Variants in MRPL1 observed in about 807,000 individuals in gnomAD.
The protein encoded by MRPL1 is large ribosomal subunit protein uL1m.
MRPL1 carries 28 observed loss-of-function variants against 38.0 expected under a neutral mutation model. The observed-to-expected ratio is 0.74, with a 90% confidence interval of 0.55 to 1.01. The LOEUF (loss-of-function observed/expected upper bound fraction) is 1.01. MRPL1 is among the 50% of genes least tolerant of loss of function. The pLI, the probability that MRPL1 is intolerant of heterozygous loss-of-function variation, is 0.00. For missense variants in MRPL1, 358 were observed against 389.8 expected (o/e 0.92, Z 0.69); for synonymous variants, 123 against 126.7 (o/e 0.97, Z 0.20).
chr4:77,912,870 T>G (rs1736320665), intron 7 of MRPL1, among the ~76,000 whole-genome samples: 1 of 151,716 alleles, frequency 6.6e-6, no homozygotes, highest in Non-Finnish European at 1.5e-5. Context: ...GAATAGAGAG[T>G]CCAGAAAGAA....
intron 5 of MRPL1, among the ~76,000 whole-genome samples, chr4:77,892,873 G>A (rs946466194): frequency 6.6e-6 from 1 of 152,110 alleles, no homozygotes; most frequent in African/African-American, 2.4e-5. Flanking sequence ...ACTGGTACCT[G>A]TCTCAAGGTT....
intron 7 of MRPL1, among the ~76,000 whole-genome samples, chr4:77,938,612 A>G (rs1737045116): frequency 6.6e-6 from 1 of 152,184 alleles, no homozygotes. Flanking sequence ...CAGGATTTAA[A>G]TACTGGACAG....
At chr4:77,947,770 T>C (rs1737304732) in intron 7 of MRPL1, among the ~76,000 whole-genome samples, 1 of 152,228 alleles carries the variant, frequency 6.6e-6, no homozygotes, top group Non-Finnish European at 1.5e-5. Flanking sequence ...ATCACAGTAA[T>C]GCCTATGAGA....
chr4:77,897,106 G>A (rs897258676), intron 6 of MRPL1, among the ~76,000 whole-genome samples: 2 of 151,320 alleles, frequency 1.3e-5, no homozygotes, highest in African/African-American at 2.4e-5. Context: ...TCCCTCTGTC[G>A]CCCAGGCTGG....
intron 7 of MRPL1, among the ~76,000 whole-genome samples, chr4:77,947,478 C>A (rs1391473296): frequency 6.6e-6 from 1 of 152,084 alleles, no homozygotes; most frequent in African/African-American, 2.4e-5. Flanking sequence ...CCTTGCTGTA[C>A]CAAATCATAT....
At position 77,915,564 on chromosome 4, in the gene MRPL1, G is replaced by A. The variant is rs543665842; in HGVS notation, c.777+6192G>A. Among the ~76,000 whole-genome samples the A allele has an allele frequency of 5.3e-5, 8 of 152,174 alleles. No individual in the cohort carries two copies. The East Asian group carries it at 5.8e-4, about 11-fold the overall frequency. On this transcript the variant is annotated intron_variant, in intron 7 of 8. Transcript: ENST00000315567. Reference sequence around the variant, plus strand: ...CCAGTAGCTGGGACTACAGGTGTGCGCCACCATGCCCAGCTAATTTTTGTA... The same window carrying A: ...CCAGTAGCTGGGACTACAGGTGTGCACCACCATGCCCAGCTAATTTTTGTA...
At chr4:77,925,333 CTT>C (rs1242232262) in intron 7 of MRPL1, among the ~76,000 whole-genome samples, 1 of 144,262 alleles carries the variant, frequency 6.9e-6, no homozygotes. Context: ...TAATTAAGTA[CTT>C]TTTTTTTTTT....
chr4:77,932,688 C>T (rs1244512063), intron 7 of MRPL1, among the ~76,000 whole-genome samples: 1 of 152,058 alleles, frequency 6.6e-6, no homozygotes, highest in Non-Finnish European at 1.5e-5. Flanking sequence ...AAAACAAGCT[C>T]AGGGCCCCCA....
At position 77,925,657 on chromosome 4, in the gene MRPL1, GT is replaced by G. The variant is rs113952693; in HGVS notation, c.777+16297del. Among the ~76,000 whole-genome samples, 1,122 of 142,078 alleles carry G rather than the reference GT, an allele frequency of 7.9e-3. 15 individuals are homozygous for G. The highest frequency in any genetic ancestry group is 0.026 in the African/African-American group (1,004 of 39,064). The allele number at this position is 142,078 out of a possible 152,430, so 93.2% of individuals were successfully genotyped here. A position where few individuals can be genotyped will look rare whatever the true frequency, so the allele number is the denominator to read the frequency against. ...CTAAGTTATATATGAGATTTGTGAG[GT>G]TTTTTTTTTTTAAATGATGAAAGAG... On this transcript the variant is annotated intron_variant, in intron 7 of 8. Transcript: ENST00000315567.
At chr4:77,862,992 T>G (rs762788662) in intron 1 of MRPL1, 113 bp downstream of exon 1, 49 of 1,359,482 alleles carry the variant, frequency 3.6e-5, no homozygotes, top group Non-Finnish European at 4.5e-5. Flanking sequence ...GTGCTGTTTC[T>G]GGTCTCTAGG....
chr4:77,948,235 G>A (rs1384990354), intron 7 of MRPL1, among the ~76,000 whole-genome samples: 1 of 152,184 alleles, frequency 6.6e-6, no homozygotes, highest in Non-Finnish European at 1.5e-5. Flanking sequence ...GATTAGAGCT[G>A]TGATGGTTAC....
chr4:77,947,934 G>T (rs143108968), intron 7 of MRPL1, among the ~76,000 whole-genome samples: 88 of 152,122 alleles, frequency 5.8e-4, no homozygotes, highest in African/African-American at 2.0e-3. Flanking sequence ...CATTTTTGTG[G>T]TTTTTTTAAA....
chr4:77,906,731 G>A (rs527384592), intron 6 of MRPL1, among the ~76,000 whole-genome samples: 21 of 152,042 alleles, frequency 1.4e-4, no homozygotes, highest in East Asian at 7.7e-4. Flanking sequence ...GAAAACAAAC[G>A]TAAAAAAATA....
chr4:77,944,889 G>A (rs1737218283), intron 7 of MRPL1, among the ~76,000 whole-genome samples: 1 of 152,072 alleles, frequency 6.6e-6, no homozygotes, highest in East Asian at 1.9e-4. Flanking sequence ...CTAGTAAGGT[G>A]GTGGAAGTGG....
At chr4:77,930,964 AC>A (rs2110259385) in intron 7 of MRPL1, among the ~76,000 whole-genome samples, 1 of 152,306 alleles carries the variant, frequency 6.6e-6, no homozygotes, top group Non-Finnish European at 1.5e-5. Flanking sequence ...ACAGCAGAAG[AC>A]TCTAAGACTG....
chr4:77,879,488 A>G (rs946098796), intron 2 of MRPL1, among the ~76,000 whole-genome samples: 1 of 152,204 alleles, frequency 6.6e-6, no homozygotes. Flanking sequence ...TTTTGAAAAT[A>G]TTTATTAATT....
intron 6 of MRPL1, chr4:77,906,875 G>C (rs1023582196): frequency 1.6e-6 from 1 of 633,138 alleles, no homozygotes; most frequent in Admixed American, 6.3e-5. Flanking sequence ...AGTTACATCA[G>C]ACTGTGATAC....
intron 4 of MRPL1, among the ~76,000 whole-genome samples, chr4:77,886,588 C>T (rs1735680709): frequency 6.6e-6 from 1 of 152,046 alleles, no homozygotes; most frequent in Admixed American, 6.6e-5. Context: ...CTGCCTTGGC[C>T]TCTCAAAGTG....
intron 2 of MRPL1, among the ~76,000 whole-genome samples, chr4:77,875,688 T>G (rs907677140): frequency 1.3e-5 from 2 of 152,074 alleles, no homozygotes; most frequent in African/African-American, 4.8e-5. Flanking sequence ...GGGAATTGGT[T>G]GAAAGGTATT....
Sources: gnomAD v4.1 joint callset for allele counts (sites outside exome capture counted in the v4.1 genomes callset) on GRCh38, gnomAD v4.1.1 for gene constraint, MANE v1.5 for transcripts, NCBI Gene and HGNC (gene_info 2026-07-23, HGNC 2026-07-21) for gene names.